ADAMTS17: variants seen among roughly 807,000 people sequenced by gnomAD.
ADAMTS17 encodes the protein A disintegrin and metalloproteinase with thrombospondin motifs 17.
In ADAMTS17, 113 loss-of-function variants were observed where a neutral mutation model predicts 141.5. The ratio of observed to expected loss-of-function variants is 0.80; its 90% confidence interval spans 0.69 to 0.93. The LOEUF (loss-of-function observed/expected upper bound fraction) is 0.93. ADAMTS17 is among the 40% of genes least tolerant of loss of function. ADAMTS17 has a pLI of 0.00. For synonymous variants in ADAMTS17, 768 were observed against 630.6 expected (o/e 1.22, Z -3.27); for missense variants, 1,659 against 1,517.9 (o/e 1.09, Z -1.54).
At chr15:99,985,798 G>A (rs565017277) in intron 20 of ADAMTS17, among the ~76,000 whole-genome samples, 5 of 152,190 alleles carry the variant, frequency 3.3e-5, no homozygotes, top group Non-Finnish European at 7.3e-5. Context: ...GATACCCTGA[G>A]GGAACGTGCT....
At chr15:100,100,004 G>T (rs1489501679) in intron 14 of ADAMTS17, among the ~76,000 whole-genome samples, 1 of 152,192 alleles carries the variant, frequency 6.6e-6, no homozygotes, top group East Asian at 1.9e-4. Context: ...CCTAGTGGAC[G>T]TGTCTCCAGC....
chr15:100,071,866 C>T (rs773239636), intron 15 of ADAMTS17, among the ~76,000 whole-genome samples: 19 of 150,324 alleles, frequency 1.3e-4, no homozygotes, highest in African/African-American at 3.4e-4. Context: ...TGCCCTCTCT[C>T]GCCACTCCTA....
intron 2 of ADAMTS17, among the ~76,000 whole-genome samples, chr15:100,335,136 A>T (rs1209352733): frequency 6.6e-6 from 1 of 152,174 alleles, no homozygotes; most frequent in Admixed American, 6.5e-5. Flanking sequence ...GACCTGCTAC[A>T]TCAAAAACTC....
chr15:100,258,401 T>C lies in ADAMTS17; in HGVS notation c.1031+3078A>G, dbSNP rs78826214. 0.012 allele frequency among the ~76,000 whole-genome samples: 1,813 copies of C among 152,346 alleles called. 44 individuals are homozygous for C. In the East Asian group the frequency reaches 0.12, roughly 10 times the overall value. The stretch of plus-strand genomic sequence containing the variant: ...ACTTGTTATTTTCCATTGTTTTGCG[T>C]ATTAGTCCATTTTCACACCACTGAT... On this transcript the variant is annotated intron_variant, in intron 6 of 21. Coordinates refer to ENST00000268070, the MANE Select transcript of ADAMTS17 (RefSeq NM_139057.4).
chr15:100,006,785 G>C (rs2061044313), intron 18 of ADAMTS17, among the ~76,000 whole-genome samples: 1 of 152,216 alleles, frequency 6.6e-6, no homozygotes, highest in African/African-American at 2.4e-5. Flanking sequence ...TAAGGAAACA[G>C]GTGCCTGTAT....
intron 14 of ADAMTS17, among the ~76,000 whole-genome samples, chr15:100,099,463 G>T (rs896980209): frequency 6.6e-5 from 10 of 152,210 alleles, no homozygotes; most frequent in African/African-American, 2.4e-4. Flanking sequence ...GAGCTTTGAT[G>T]ATTGTATTTA....
intron 16 of ADAMTS17, 149 bp downstream of exon 16, chr15:100,053,748 G>T: frequency 1.8e-6 from 2 of 1,123,616 alleles, no homozygotes; most frequent in Non-Finnish European, 2.7e-6. Flanking sequence ...AGAGGGGAGA[G>T]GACTGAGCAG....
chr15:100,080,209 G>A (rs1431258439), intron 15 of ADAMTS17, among the ~76,000 whole-genome samples: 1 of 152,086 alleles, frequency 6.6e-6, no homozygotes, highest in Non-Finnish European at 1.5e-5. Flanking sequence ...AGTTCCAGAG[G>A]GAGAAATGCT....
At chr15:100,316,073 A>C (rs1423263691) in intron 3 of ADAMTS17, among the ~76,000 whole-genome samples, 1 of 152,246 alleles carries the variant, frequency 6.6e-6, no homozygotes, top group Non-Finnish European at 1.5e-5. Flanking sequence ...TGCAGGAAGA[A>C]ATTTTTTTAA....
At chr15:100,193,465 C>A (rs1473382402) in intron 8 of ADAMTS17, among the ~76,000 whole-genome samples, 1 of 152,104 alleles carries the variant, frequency 6.6e-6, no homozygotes, top group African/African-American at 2.4e-5. Flanking sequence ...AGCACTGGGG[C>A]CTTGGAGGCA....
chr15:100,106,053 G>C (rs1004705125), intron 14 of ADAMTS17, among the ~76,000 whole-genome samples: 7 of 152,084 alleles, frequency 4.6e-5, no homozygotes, highest in Admixed American at 4.6e-4. Context: ...CTGGAGTGCA[G>C]TGGCAAAATC....
At chr15:100,113,932 G>A (rs2036951073) in intron 13 of ADAMTS17, among the ~76,000 whole-genome samples, 2 of 152,208 alleles carry the variant, frequency 1.3e-5, no homozygotes, top group African/African-American at 4.8e-5. Context: ...TGCTGGCCTG[G>A]GCAAGGAGGA....
chr15:100,146,237 T>A (rs1475125498), intron 10 of ADAMTS17, among the ~76,000 whole-genome samples: 1 of 152,222 alleles, frequency 6.6e-6, no homozygotes. Context: ...TATACAGTTA[T>A]GTGTTGCAGG....
At chr15:99,998,667 A>C (rs758978911) in intron 18 of ADAMTS17, among the ~76,000 whole-genome samples, 9 of 152,184 alleles carry the variant, frequency 5.9e-5, no homozygotes, top group Non-Finnish European at 1.2e-4. Context: ...GATCCGATGC[A>C]TTAGGCATCT....
Position 100,262,375 on chromosome 15 carries a change from G to A in ADAMTS17, c.850C>T (p.Leu284Phe). Reference protein sequence around the residue: ...GIKINIQVTKLVLLRQRPAKL... With the variant: ...GIKINIQVTKFVLLRQRPAKL... ...ACGGGACGTTGTCGTAGCAGGACAA[G>A]CTTGGTCACTTGAATGTTAATTTTA... The change falls in exon 5 of 22, where the codon CTT (leucine) becomes TTT (phenylalanine). Residue 284 changes from leucine (L) to phenylalanine (F), a missense_variant. Coordinates refer to ENST00000268070, the MANE Select transcript of ADAMTS17 (RefSeq NM_139057.4). The A allele has an allele frequency of 1.9e-6, 3 of 1,614,006 alleles. No individual in the cohort carries two copies. The highest frequency in any genetic ancestry group is 2.5e-6 in the Non-Finnish European group (3 of 1,179,960).
chr15:100,319,937 A>G (rs756174414), intron 3 of ADAMTS17, among the ~76,000 whole-genome samples: 3 of 152,206 alleles, frequency 2.0e-5, no homozygotes, highest in Non-Finnish European at 4.4e-5. Flanking sequence ...TCTCAAAAAA[A>G]TAAATACATA....
At chr15:100,310,909 G>A (rs770951825) in intron 3 of ADAMTS17, among the ~76,000 whole-genome samples, 2 of 152,208 alleles carry the variant, frequency 1.3e-5, no homozygotes, top group African/African-American at 2.4e-5. Flanking sequence ...ACATGAAATT[G>A]CCTGTTGCTT....
intron 15 of ADAMTS17, among the ~76,000 whole-genome samples, chr15:100,061,127 T>C (rs540586359): frequency 2.6e-4 from 40 of 152,322 alleles, no homozygotes; most frequent in Middle Eastern, 3.4e-3. Context: ...TGCAGGTTTG[T>C]TCCGAAGTGC....
At chr15:99,992,403 T>C (rs2060707276) in intron 20 of ADAMTS17, among the ~76,000 whole-genome samples, 1 of 152,142 alleles carries the variant, frequency 6.6e-6, no homozygotes, top group South Asian at 2.1e-4. Context: ...GAAAACCCAC[T>C]AGAAGGTTCT....
Sources: allele counts gnomAD v4.1 joint callset (sites outside exome capture counted in the v4.1 genomes callset), GRCh38; gene constraint gnomAD v4.1.1; transcripts MANE v1.5; gene names NCBI Gene and HGNC (gene_info 2026-07-23, HGNC 2026-07-21).